KIF16B: variants seen among roughly 807,000 people sequenced by gnomAD.
KIF16B encodes kinesin-like protein KIF16B.
A neutral mutation model predicts 156.3 loss-of-function variants in KIF16B; 98 were observed. The observed-to-expected ratio is 0.63, with a 90% CI of 0.53 to 0.74. The LOEUF (loss-of-function observed/expected upper bound fraction) is 0.74, where lower values mean the gene tolerates loss of function less well. Among genes scored for constraint, KIF16B ranks in the 30% least tolerant of loss-of-function variants. The probability of loss-of-function intolerance (pLI) is 0.00; values close to 1 mark genes in which losing one functional copy is unlikely to be tolerated. For missense variants in KIF16B, 1,421 were observed against 1,606.5 expected (o/e 0.88, Z 1.97); for synonymous variants, 564 against 583.7 (o/e 0.97, Z 0.49).
intron 15 of KIF16B, among the ~76,000 whole-genome samples, chr20:16,422,835 A>G (rs1467654259): frequency 2.0e-5 from 3 of 152,186 alleles, no homozygotes; most frequent in Non-Finnish European, 2.9e-5. Flanking sequence ...AATCAAACAA[A>G]ATTAGAATCT....
At chr20:16,456,157 C>CA (rs1004769220) in intron 12 of KIF16B, among the ~76,000 whole-genome samples, 6 of 149,132 alleles carry the variant, frequency 4.0e-5, no homozygotes, top group African/African-American at 1.5e-4. Flanking sequence ...CAATACAATA[C>CA]AGACATATAA....
chr20:16,421,380 T>C (rs905392551), intron 15 of KIF16B, among the ~76,000 whole-genome samples: 2 of 152,178 alleles, frequency 1.3e-5, no homozygotes, highest in Non-Finnish European at 2.9e-5. Flanking sequence ...CCACCTGATA[T>C]AACCCCCTCC....
chr20:16,436,981 A>G (rs1363837532), intron 12 of KIF16B, among the ~76,000 whole-genome samples: 7 of 152,194 alleles, frequency 4.6e-5, no homozygotes, highest in African/African-American at 1.7e-4. Flanking sequence ...AAATCCAAGA[A>G]TGCTCAAGTC....
rs960227498 is a variant in KIF16B, at chr20:16,525,728, A to T, written c.231+364T>A. ...GTTTCCTCCTAAATCTCCGCACTGA[A>T]TAGGACTCAAGGTTAAGTGGCTTCT... is the stretch of plus-strand genomic sequence containing the variant. On this transcript the variant is annotated intron_variant, in intron 3 of 25. Coordinates refer to ENST00000354981, the MANE Select transcript of KIF16B (RefSeq NM_024704.5). Among the ~76,000 whole-genome samples the T allele has an allele frequency of 2.0e-5, 3 of 152,240 alleles. No individual in the cohort carries two copies. In the South Asian group the frequency reaches 6.2e-4, roughly 32 times the overall value.
At chr20:16,557,676 A>G (rs768595664) in intron 1 of KIF16B, among the ~76,000 whole-genome samples, 7 of 152,120 alleles carry the variant, frequency 4.6e-5, no homozygotes, top group African/African-American at 7.2e-5. Context: ...TTCCAGCCTC[A>G]GCCCCTGGCA....
chr20:16,440,533 GCA>G (rs71192333), intron 12 of KIF16B, among the ~76,000 whole-genome samples: 13,478 of 137,434 alleles, frequency 0.098, 647 homozygotes, highest in Non-Finnish European at 0.13. Flanking sequence ...ACAAGCGCGC[GCA>G]CACACACACA....
chr20:16,367,934 G>C, intron 22 of KIF16B: 1 of 1,456,248 alleles, frequency 6.9e-7, no homozygotes, highest in Non-Finnish European at 9.0e-7. Flanking sequence ...ATCTCCTGTA[G>C]ACCAGAGAGA....
Position 16,378,795 on chromosome 20 carries a change from C to T in KIF16B, c.3197+10G>A, listed in dbSNP as rs749838871. 6 of 1,583,620 alleles carry T rather than the reference C, an allele frequency of 3.8e-6. No homozygotes were observed. Among genetic ancestry groups the T allele is most frequent in the African/African-American group, 1.4e-5 (1 of 73,910 alleles). On this transcript the variant is annotated intron_variant, in intron 19 of 25. Coordinates refer to ENST00000354981, the MANE Select transcript of KIF16B (RefSeq NM_024704.5). ...CCACTGTATGCCACACCCTTCCTTCCCAATCTCACCTCTCCTGGTCCTTCT... is the reference window on the plus strand; with the variant it reads ...CCACTGTATGCCACACCCTTCCTTCTCAATCTCACCTCTCCTGGTCCTTCT...
Position 16,428,922 on chromosome 20 carries a change from T to C in KIF16B, c.1474+31A>G, listed in dbSNP as rs374682619. On this transcript the variant is annotated intron_variant, in intron 14 of 25. Coordinates refer to ENST00000354981, the MANE Select transcript of KIF16B (RefSeq NM_024704.5). Reference sequence around the variant, plus strand: ...CCTTGAATACAACCTTAAAAAATCATTGGGAACAGATCACTGATAAATATG... The same window carrying C: ...CCTTGAATACAACCTTAAAAAATCACTGGGAACAGATCACTGATAAATATG... 1.7e-4 allele frequency: 263 copies of C among 1,592,666 alleles called. 3 individuals are homozygous for C. In the Middle Eastern group the frequency reaches 1.7e-3, roughly 10 times the overall value.
chr20:16,283,069 T>C (rs1438223810), intron 25 of KIF16B, among the ~76,000 whole-genome samples: 2 of 152,210 alleles, frequency 1.3e-5, no homozygotes, highest in African/African-American at 4.8e-5. Flanking sequence ...GACACTTGCA[T>C]ACCTTTTCCC....
chr20:16,425,573 A>G (rs1055483542), intron 15 of KIF16B, among the ~76,000 whole-genome samples: 1 of 152,158 alleles, frequency 6.6e-6, no homozygotes, highest in Non-Finnish European at 1.5e-5. Flanking sequence ...TACAATATCA[A>G]AGTACCTTCA....
chr20:16,333,169 G>T (rs1470479078), intron 24 of KIF16B, among the ~76,000 whole-genome samples: 1 of 151,988 alleles, frequency 6.6e-6, no homozygotes, highest in Middle Eastern at 3.2e-3. Flanking sequence ...ACCAAACTTG[G>T]TTCTACTGCA....
chr20:16,284,406 T>G (rs2063192095), intron 25 of KIF16B, among the ~76,000 whole-genome samples: 1 of 152,206 alleles, frequency 6.6e-6, no homozygotes, highest in South Asian at 2.1e-4. Flanking sequence ...CTTTTACTTT[T>G]TTTCCTGGAC....
At chr20:16,370,692 G>A in intron 21 of KIF16B, 56 bp from the exon 22 acceptor site, 1 of 1,302,710 alleles carries the variant, frequency 7.7e-7, no homozygotes, top group Non-Finnish European at 1.1e-6. Context: ...CACGGGGCGG[G>A]GGACTGATTC....
At chr20:16,312,126 T>C (rs953128597) in intron 25 of KIF16B, among the ~76,000 whole-genome samples, 3 of 152,166 alleles carry the variant, frequency 2.0e-5, no homozygotes, top group African/African-American at 7.2e-5. Context: ...ATAAGAAAAA[T>C]GTTCCGCTAG....
rs139179953 is a variant in KIF16B at position 16,554,444 on chromosome 20, G to A, written c.47+18785C>T. Among the ~76,000 whole-genome samples, 19 of 152,268 alleles carry A rather than the reference G, an allele frequency of 1.2e-4. 1 individual carries two copies. Among genetic ancestry groups the A allele is most frequent in the African/African-American group, 4.6e-4 (19 of 41,566 alleles). On this transcript the variant is annotated intron_variant, in intron 1 of 25. Transcript: ENST00000354981. ...GTCTCCTCTCTGCTGAGCGCTGAAC[G>A]CTCATCGGGACACCCTGCCTGCTAC... is the stretch of plus-strand genomic sequence containing the variant.
chr20:16,420,990 C>A (rs550722143), intron 15 of KIF16B, among the ~76,000 whole-genome samples: 4 of 152,162 alleles, frequency 2.6e-5, no homozygotes, highest in African/African-American at 9.6e-5. Context: ...TGAATTCGAG[C>A]ACGAATGATA....
At chr20:16,430,855 A>G (rs1316668196) in intron 12 of KIF16B, among the ~76,000 whole-genome samples, 2 of 151,564 alleles carry the variant, frequency 1.3e-5, no homozygotes, top group East Asian at 1.9e-4. Flanking sequence ...GTATGTATAT[A>G]TATATATATA....
chr20:16,393,997 TAC>T (rs1568929761), intron 17 of KIF16B, among the ~76,000 whole-genome samples: 1 of 152,174 alleles, frequency 6.6e-6, no homozygotes, highest in African/African-American at 2.4e-5. Flanking sequence ...GTTAACAAAT[TAC>T]AGAGCCGGTG....
Sources: allele counts gnomAD v4.1 joint callset (sites outside exome capture counted in the v4.1 genomes callset), GRCh38; gene constraint gnomAD v4.1.1; transcripts MANE v1.5; gene names NCBI Gene and HGNC (gene_info 2026-07-23, HGNC 2026-07-21).